Variants in CCDC178 observed in about 807,000 individuals in gnomAD.
CCDC178 encodes coiled-coil domain-containing protein 178.
CCDC178 carries 126 observed loss-of-function variants against 117.4 expected under a neutral mutation model. The observed-to-expected ratio is 1.07, with a 90% CI of 0.93 to 1.24. The LOEUF (loss-of-function observed/expected upper bound fraction) is 1.24, where lower values mean the gene tolerates loss of function less well. Among genes scored for constraint, CCDC178 ranks in the 50% most tolerant of loss-of-function variants. The pLI is 0.00. For missense variants in CCDC178, 1,030 were observed against 986.9 expected (o/e 1.04, Z -0.59); for synonymous variants, 283 against 313.4 (o/e 0.90, Z 1.02).
At chr18:33,150,505 G>A (rs1344545288) in intron 20 of CCDC178, among the ~76,000 whole-genome samples, 3 of 152,174 alleles carry the variant, frequency 2.0e-5, no homozygotes, top group African/African-American at 7.2e-5. Context: ...CTAATATCCG[G>A]CATCTACGAG....
intron 12 of CCDC178, among the ~76,000 whole-genome samples, chr18:33,280,925 G>C (rs1568112524): frequency 6.6e-6 from 1 of 152,128 alleles, no homozygotes; most frequent in Non-Finnish European, 1.5e-5. Context: ...GACACAGGAA[G>C]GGGAACATCA....
intron 20 of CCDC178, among the ~76,000 whole-genome samples, chr18:33,100,533 T>C (rs985936880): frequency 1.1e-4 from 16 of 151,918 alleles, no homozygotes; most frequent in African/African-American, 3.9e-4. Context: ...ATAACGATAG[T>C]AGTTCCATGA....
At chr18:33,332,318 C>T (rs567381423) in intron 10 of CCDC178, among the ~76,000 whole-genome samples, 1 of 152,126 alleles carries the variant, frequency 6.6e-6, no homozygotes, top group East Asian at 1.9e-4. Context: ...CATTTAACAA[C>T]TTGTTTTATT....
At chr18:33,017,368 T>A (rs979227739) in intron 21 of CCDC178, among the ~76,000 whole-genome samples, 4 of 151,848 alleles carry the variant, frequency 2.6e-5, no homozygotes, top group African/African-American at 7.2e-5. Context: ...TAAAATACTT[T>A]GAAATAAATT....
chr18:33,205,981 A>T (rs1182782038), intron 20 of CCDC178, among the ~76,000 whole-genome samples: 1 of 152,218 alleles, frequency 6.6e-6, no homozygotes, highest in Admixed American at 6.5e-5. Context: ...GGCATGCCTC[A>T]CAGTACCTGG....
At chr18:33,294,297 A>G (rs966056428) in intron 11 of CCDC178, among the ~76,000 whole-genome samples, 1 of 152,202 alleles carries the variant, frequency 6.6e-6, no homozygotes, top group African/African-American at 2.4e-5. Context: ...TTCATAAACT[A>G]TCAGCAAATA....
At chr18:33,061,838 G>A (rs1382506639) in intron 21 of CCDC178, among the ~76,000 whole-genome samples, 2 of 151,972 alleles carry the variant, frequency 1.3e-5, no homozygotes, top group Non-Finnish European at 2.9e-5. Flanking sequence ...TCTACAGAGG[G>A]TTATATGAAG....
intron 21 of CCDC178, among the ~76,000 whole-genome samples, chr18:33,020,696 G>T (rs1410875686): frequency 1.3e-5 from 2 of 152,124 alleles, no homozygotes; most frequent in Non-Finnish European, 2.9e-5. Flanking sequence ...CATGGTTATA[G>T]CACTTTTGCA....
chr18:33,387,632 T>C (rs1423468489), intron 5 of CCDC178, among the ~76,000 whole-genome samples: 1 of 152,166 alleles, frequency 6.6e-6, no homozygotes, highest in Non-Finnish European at 1.5e-5. Context: ...ATTTAATAAA[T>C]GATGCTGGGA....
At chr18:33,346,544 T>G (rs1189490660) in intron 8 of CCDC178, 133 bp from the exon 9 acceptor site, 6 of 417,878 alleles carry the variant, frequency 1.4e-5, no homozygotes, top group Admixed American at 4.4e-5. Context: ...ATGAATTACC[T>G]TTTAAAAAAG....
At chr18:33,155,885 A>AGTT (rs1411103168) in intron 20 of CCDC178, among the ~76,000 whole-genome samples, 1 of 151,982 alleles carries the variant, frequency 6.6e-6, no homozygotes, top group Admixed American at 6.6e-5. Context: ...TGACTGAAAA[A>AGTT]GTTGGTGATT....
chr18:32,983,080 T>G (rs2055185672), intron 21 of CCDC178, among the ~76,000 whole-genome samples: 1 of 151,592 alleles, frequency 6.6e-6, no homozygotes, highest in South Asian at 2.1e-4. Context: ...TCAGAAACTC[T>G]CTGTACCTTC....
chr18:33,434,159 T>C (rs2064258426), intron 2 of CCDC178, among the ~76,000 whole-genome samples: 1 of 152,080 alleles, frequency 6.6e-6, no homozygotes, highest in South Asian at 2.1e-4. Flanking sequence ...ACAGGTTTTG[T>C]TGCTGCAAAA....
At chr18:33,352,189 GTTAT>G (rs1239248542) in intron 7 of CCDC178, among the ~76,000 whole-genome samples, 3 of 151,992 alleles carry the variant, frequency 2.0e-5, no homozygotes, top group African/African-American at 7.2e-5. Flanking sequence ...TTTCATCTTC[GTTAT>G]TTAGTTTGTT....
At chr18:33,424,659 C>T (rs922421703) in intron 2 of CCDC178, among the ~76,000 whole-genome samples, 2 of 152,146 alleles carry the variant, frequency 1.3e-5, no homozygotes, top group East Asian at 1.9e-4. Flanking sequence ...AGCCACGGCA[C>T]GGCCCAGAGG....
intron 21 of CCDC178, among the ~76,000 whole-genome samples, chr18:33,068,303 T>C (rs955023943): frequency 3.3e-5 from 5 of 152,180 alleles, no homozygotes; most frequent in African/African-American, 1.2e-4. Flanking sequence ...GAGTTCATTC[T>C]TCCTAACTCA....
chr18:33,248,095 G>A (rs2059571836), intron 14 of CCDC178, among the ~76,000 whole-genome samples: 1 of 151,590 alleles, frequency 6.6e-6, no homozygotes, highest in Non-Finnish European at 1.5e-5. Context: ...GAATATTAAA[G>A]ATACTTATTA....
chr18:33,224,976 C>G, intron 16 of CCDC178, 40 bp from the exon 17 acceptor site: 1 of 1,415,468 alleles, frequency 7.1e-7, no homozygotes, highest in Non-Finnish European at 9.3e-7. Context: ...CAGTTATTAA[C>G]TTAAACATTT....
chr18:33,155,442 T>A (rs2058383222), intron 20 of CCDC178, among the ~76,000 whole-genome samples: 1 of 152,164 alleles, frequency 6.6e-6, no homozygotes, highest in African/African-American at 2.4e-5. Flanking sequence ...ATTTTTACTT[T>A]AAGAAGCTAG....
Sources: gnomAD v4.1 joint callset for allele counts (sites outside exome capture counted in the v4.1 genomes callset) on GRCh38, gnomAD v4.1.1 for gene constraint, MANE v1.5 for transcripts, NCBI Gene and HGNC (gene_info 2026-07-23, HGNC 2026-07-21) for gene names.